The following IPP variants were observed in gnomAD, a reference collection of about 807,000 sequenced individuals.
The protein encoded by IPP is actin-binding protein IPP.
In IPP, 41 loss-of-function variants were observed where a neutral mutation model predicts 64.1. The ratio of observed to expected loss-of-function variants is 0.64; its 90% confidence interval spans 0.50 to 0.83. The LOEUF is 0.83. Ranked by LOEUF, IPP falls within the 40% of genes least tolerant of loss-of-function variation. IPP has a pLI of 0.00. For missense variants in IPP, 649 were observed against 703.0 expected, an observed-to-expected ratio of 0.92 and a Z score of 0.87; for synonymous variants, 214 against 235.2, an observed-to-expected ratio of 0.91 and a Z score of 0.83.
intron 8 of IPP, among the ~76,000 whole-genome samples, chr1:45,702,240 A>G (rs1245634218): frequency 1.3e-5 from 2 of 151,640 alleles, no homozygotes; most frequent in African/African-American, 4.8e-5. Context: ...TTAAATTTTT[A>G]TTACTTTATT....
At chr1:45,721,991 C>T (rs112529802) in intron 5 of IPP, among the ~76,000 whole-genome samples, 5,509 of 152,088 alleles carry the variant, frequency 0.036, 356 homozygotes, top group African/African-American at 0.13. Context: ...ATCACTTGAA[C>T]CCGAGAGGCA....
At chr1:45,747,122 G>A (rs1354918105) in intron 1 of IPP, among the ~76,000 whole-genome samples, 2 of 149,652 alleles carry the variant, frequency 1.3e-5, no homozygotes, top group African/African-American at 4.9e-5. Context: ...GCACACGAGC[G>A]CGCGCGCGCG....
chr1:45,749,000 G>C (rs1646179410), intron 1 of IPP, among the ~76,000 whole-genome samples: 1 of 151,726 alleles, frequency 6.6e-6, no homozygotes. Context: ...AGGGGGTGGG[G>C]GCGGAGAAAC....
At chr1:45,738,978 A>G (rs1269975407) in intron 3 of IPP, among the ~76,000 whole-genome samples, 1 of 151,962 alleles carries the variant, frequency 6.6e-6, no homozygotes, top group East Asian at 1.9e-4. Context: ...ATTGTTCAGT[A>G]TTTGCTAATT....
chr1:45,743,410 G>A (rs571328000), intron 2 of IPP, among the ~76,000 whole-genome samples: 13 of 134,782 alleles, frequency 9.6e-5, no homozygotes, highest in African/African-American at 2.9e-4. Context: ...GCAAGACTCC[G>A]CCTCAAAAAA....
chr1:45,750,564 T>G (rs2148589963), intron 1 of IPP, 33 bp downstream of exon 1: 1 of 152,628 alleles, frequency 6.6e-6, no homozygotes, highest in South Asian at 2.1e-4. Flanking sequence ...CCCAACCCCG[T>G]CACAGACGCG....
At chr1:45,719,095 G>A in intron 6 of IPP, 108 bp downstream of exon 6, 1 of 970,884 alleles carries the variant, frequency 1.0e-6, no homozygotes, top group East Asian at 2.6e-5. Flanking sequence ...TTATGTGCCT[G>A]TATCTCATGT....
Position 45,741,082 on chromosome 1 carries a change from AT to A in IPP, c.542del (p.Asp181ValfsTer3). ...CACTTCGCAAAATTTTGATCAGCTG[AT>A]CTTTCGTAAGTGCCAGGAACTCTTC... ...SGEEFLALTKDQLIKILRSEE... is the reference protein window; with the variant it reads ...SGEEFLALTKXQLIKILRSEE... On this transcript the variant is annotated frameshift_variant, in exon 3 of 9. Coordinates refer to ENST00000396478, the MANE Select transcript of IPP (RefSeq NM_005897.3). LOFTEE classifies it high-confidence loss of function. The A allele has an allele frequency of 6.2e-7, 1 of 1,614,116 alleles. No individual in the cohort carries two copies. The highest frequency in any genetic ancestry group is 8.5e-7 in the Non-Finnish European group (1 of 1,180,008).
At chr1:45,736,516 C>T (rs992955002) in intron 3 of IPP, among the ~76,000 whole-genome samples, 4 of 151,950 alleles carry the variant, frequency 2.6e-5, no homozygotes, top group African/African-American at 9.7e-5. Flanking sequence ...TTTTTCTACA[C>T]AAGTTGCTTA....
chr1:45,735,829 A>T lies in IPP; in HGVS notation c.724+5072T>A, dbSNP rs1412586253. 5.9e-5 allele frequency among the ~76,000 whole-genome samples: 5 copies of T among 84,594 alleles called. No individual in the cohort carries two copies. In the East Asian group the frequency reaches 1.4e-3, roughly 24 times the overall value. 55.5% of individuals were successfully genotyped at this position (84,594 alleles called of 152,430 possible). On this transcript the variant is annotated intron_variant, in intron 3 of 8. Coordinates refer to ENST00000396478, the MANE Select transcript of IPP (RefSeq NM_005897.3). ...TAATTTTTAAAAAAAATTTTTTTGT[A>T]GGCCAGGCGCGGTGTCTCACGCCTG...
chr1:45,721,834 G>A (rs1164531143), intron 5 of IPP, among the ~76,000 whole-genome samples: 1 of 152,216 alleles, frequency 6.6e-6, no homozygotes, highest in Non-Finnish European at 1.5e-5. Flanking sequence ...GGCCAAGGCG[G>A]GCAGATCACG....
At chr1:45,746,528 A>G (rs1646137333) in intron 1 of IPP, 67 bp from the exon 2 acceptor site, 1 of 667,336 alleles carries the variant, frequency 1.5e-6, no homozygotes, top group Admixed American at 2.8e-5. Flanking sequence ...TTCACACATA[A>G]GAAGCATTCT....
rs372037221 is a variant in IPP at position 45,719,085 on chromosome 1, T to A, written c.1186+118A>T. On this transcript the variant is annotated intron_variant, in intron 6 of 8. Coordinates refer to ENST00000396478, the MANE Select transcript of IPP (RefSeq NM_005897.3). ...TTTTACAAGATGTGATTATTACGCA[T>A]TATGTGCCTGTATCTCATGTGCCCC... The A allele has an allele frequency of 3.1e-5, 27 of 867,112 alleles. No homozygotes were observed. In the East Asian group the frequency reaches 6.6e-4, roughly 21 times the overall value. The allele number at this position is 867,112 out of a possible 1,614,324, so 53.7% of individuals were successfully genotyped here.
chr1:45,747,987 TAG>T (rs200456127), intron 1 of IPP, among the ~76,000 whole-genome samples: 251 of 151,324 alleles, frequency 1.7e-3, no homozygotes, highest in African/African-American at 6.1e-3. Context: ...GGGCTGATGT[TAG>T]AAAAAAAATG....
In IPP at chr1:45,741,220, A is replaced by C; in HGVS notation, c.405T>G (p.Asp135Glu). ...LCCEFLKGQI[D>E]PLNCIGIFQF... is the part of the protein sequence containing the mutation. ...GAAAAATTCCAATGCAGTTCAGTGGATCAATTTGTCCTTTCAGAAATTCAC... is the reference window on the plus strand; with the variant it reads ...GAAAAATTCCAATGCAGTTCAGTGGCTCAATTTGTCCTTTCAGAAATTCAC... The change falls in exon 3 of 9, where the codon GAT becomes GAG. Residue 135 changes from aspartate (D) to glutamate (E), a missense_variant. Transcript: ENST00000396478. The C allele has an allele frequency of 6.2e-7, 1 of 1,614,180 alleles. No individual in the cohort carries two copies. The highest frequency in any genetic ancestry group is 8.5e-7 in the Non-Finnish European group (1 of 1,180,010).
intron 1 of IPP, among the ~76,000 whole-genome samples, chr1:45,749,027 C>T (rs957627249): frequency 3.3e-5 from 5 of 151,764 alleles, no homozygotes; most frequent in Non-Finnish European, 2.9e-5. Flanking sequence ...TTTGGCCCTA[C>T]ACAGAAATGT....
intron 4 of IPP, among the ~76,000 whole-genome samples, chr1:45,728,939 A>T (rs567080489): frequency 6.6e-6 from 1 of 151,632 alleles, no homozygotes; most frequent in Admixed American, 6.6e-5. Flanking sequence ...CAGCCTGGCC[A>T]ATATGGTGAA....
At position 45,714,430 on chromosome 1, in the gene IPP, C is replaced by T. The variant is rs768175053; in HGVS notation, c.1346G>A (p.Gly449Glu). 1.2e-6 allele frequency: 2 copies of T among 1,613,432 alleles called. No individual in the cohort carries two copies. The highest frequency in any genetic ancestry group is 4.5e-5 in the East Asian group (2 of 44,872). The change falls in exon 8 of 9, where the codon GGA (glycine) becomes GAA (glutamate). Residue 449 changes from glycine to glutamate, a missense_variant. Gly to Glu is a moderately conservative substitution (Grantham distance 98, BLOSUM62 -2). Transcript: ENST00000396478. ...IYVIGGISNEGIELRSFEVYD... is the reference protein window; with the variant it reads ...IYVIGGISNEEIELRSFEVYD... Reference sequence around the variant, plus strand: ...GACTTCAAAAGAACGAAGTTCTATTCCTTCATTGCTGATGCCCCCAATTAC... The same window carrying T: ...GACTTCAAAAGAACGAAGTTCTATTTCTTCATTGCTGATGCCCCCAATTAC...
At chr1:45,704,526 G>A (rs958376759) in intron 8 of IPP, among the ~76,000 whole-genome samples, 4 of 152,148 alleles carry the variant, frequency 2.6e-5, no homozygotes, top group Non-Finnish European at 2.9e-5. Flanking sequence ...GTGAGACACC[G>A]CGCCCGGCGG....
Sources: gnomAD v4.1 joint callset for allele counts (sites outside exome capture counted in the v4.1 genomes callset) on GRCh38, gnomAD v4.1.1 for gene constraint, MANE v1.5 for transcripts, NCBI Gene and HGNC (gene_info 2026-07-23, HGNC 2026-07-21) for gene names.